The following CAPS2 variants were observed in gnomAD, a reference collection of about 807,000 sequenced individuals.
CAPS2 encodes calcyphosin-2.
In CAPS2, 98 loss-of-function variants were observed where a neutral mutation model predicts 86.5. That is an observed-to-expected ratio of 1.13 (90% CI 0.96 to 1.34). The LOEUF (loss-of-function observed/expected upper bound fraction) is 1.34, where lower values mean the gene tolerates loss of function less well. Ranked by LOEUF, CAPS2 falls within the 40% of genes most tolerant of loss-of-function variation. CAPS2 has a pLI of 0.00. For synonymous variants in CAPS2, 210 were observed against 225.1 expected (o/e 0.93, Z 0.60); for missense variants, 729 against 686.8 (o/e 1.06, Z -0.69).
chr12:75,339,107 G>A (rs1173412609), intron 1 of CAPS2, among the ~76,000 whole-genome samples: 2 of 152,006 alleles, frequency 1.3e-5, no homozygotes, highest in Non-Finnish European at 2.9e-5. Context: ...TATTCCTTTG[G>A]GTACATACCC....
In CAPS2 at chr12:75,323,237, C is replaced by G; in HGVS notation, c.132-15G>C. The G allele has an allele frequency of 6.5e-7, 1 of 1,537,002 alleles. No homozygotes were observed. Among genetic ancestry groups the G allele is most frequent in the South Asian group, 1.2e-5 (1 of 81,482 alleles). ...GTCGTGGGACCCTGAAAGACATAAT[C>G]TATGTATCCCGTAACTTTTTAACAT... On this transcript the variant is annotated splice_polypyrimidine_tract_variant and intron_variant, in intron 2 of 16. Coordinates refer to ENST00000393284, the Ensembl canonical transcript of CAPS2.
intron 14 of CAPS2, among the ~76,000 whole-genome samples, chr12:75,288,164 T>G (rs1261809534): frequency 6.6e-6 from 1 of 152,234 alleles, no homozygotes; most frequent in East Asian, 1.9e-4. Flanking sequence ...CCTATTGCTG[T>G]TTTGTTATTG....
At chr12:75,357,904 T>A (rs2043257351) in intron 1 of CAPS2, among the ~76,000 whole-genome samples, 1 of 146,260 alleles carries the variant, frequency 6.8e-6, no homozygotes, top group Non-Finnish European at 1.5e-5. Context: ...AAAAGAACAG[T>A]CTCCAGTCAA....
In CAPS2 at chr12:75,312,735, GA is replaced by G. The variant is rs2039360153; in HGVS notation, c.659+112del. 8 of 626,024 alleles carry G rather than the reference GA, an allele frequency of 1.3e-5. No homozygotes were observed. The South Asian group carries it at 1.7e-4, about 13-fold the overall frequency. 38.8% of individuals were successfully genotyped at this position (626,024 alleles called of 1,614,324 possible). Reference sequence around the variant, plus strand: ...GGTGCAGTAAACAGAGAAAGTTTGGGAACCTCTGAGTTAGCCACCCTTTAAT... The same window carrying G: ...GGTGCAGTAAACAGAGAAAGTTTGGGACCTCTGAGTTAGCCACCCTTTAAT... On this transcript the variant is annotated intron_variant, in intron 7 of 16. Transcript: ENST00000393284.
intron 1 of CAPS2, among the ~76,000 whole-genome samples, chr12:75,351,974 C>T (rs1218303169): frequency 6.6e-6 from 1 of 152,126 alleles, no homozygotes; most frequent in African/African-American, 2.4e-5. Flanking sequence ...TTCATCACCA[C>T]CAGGCCTGCC....
rs550610957 is a variant in CAPS2 at position 75,381,254 on chromosome 12, T to C, written c.-395+9584A>G. ...TCCTCATTCTCTCTTGTCGCCGCCA[T>C]GTAAGAAGTGGCTTTAGCCCTCTGC... is the stretch of plus-strand genomic sequence containing the variant. On this transcript the variant is annotated intron_variant, in intron 1 of 5. Transcript: ENST00000551829. Among the ~76,000 whole-genome samples, 39 of 152,356 alleles carry C rather than the reference T, an allele frequency of 2.6e-4. 1 individual carries two copies. In the South Asian group the frequency reaches 5.2e-3, roughly 20 times the overall value.
chr12:75,366,106 T>C (rs1479520130), intron 1 of CAPS2, among the ~76,000 whole-genome samples: 3 of 152,194 alleles, frequency 2.0e-5, no homozygotes, highest in Non-Finnish European at 4.4e-5. Flanking sequence ...ATTTAAGTCA[T>C]GTGAACTTGA....
At chr12:75,337,041 T>C (rs2041782816) in intron 1 of CAPS2, among the ~76,000 whole-genome samples, 1 of 151,812 alleles carries the variant, frequency 6.6e-6, no homozygotes, top group African/African-American at 2.4e-5. Flanking sequence ...TAGAGATTAC[T>C]ATAATTTAGA....
At chr12:75,363,505 T>C (rs1460646905) in intron 1 of CAPS2, among the ~76,000 whole-genome samples, 1 of 152,196 alleles carries the variant, frequency 6.6e-6, no homozygotes, top group Non-Finnish European at 1.5e-5. Flanking sequence ...GACCTCTTGT[T>C]ATTAGTTATT....
intron 1 of CAPS2, among the ~76,000 whole-genome samples, chr12:75,389,886 G>C (rs2045487577): frequency 6.6e-6 from 1 of 152,168 alleles, no homozygotes; most frequent in Admixed American, 6.5e-5. Flanking sequence ...CTTGTCTACT[G>C]ATCTTTCTCA....
chr12:75,277,938 ATTGT>A lies in CAPS2; in HGVS notation c.*948_*951del. On this transcript the variant is annotated 3_prime_UTR_variant, in exon 17 of 17. Transcript: ENST00000393284. ...CATATATTTAGAAGGAAATGTTTCA[ATTGT>A]TTGTTATACTAAAACAGATGTTTAG... 4.8e-6 allele frequency: 4 copies of A among 835,166 alleles called. No homozygotes were observed. In the South Asian group the frequency reaches 1.7e-4, roughly 35 times the overall value. The allele number at this position is 835,166 out of a possible 1,614,324, so 51.7% of individuals were successfully genotyped here. A position where few individuals can be genotyped will look rare whatever the true frequency, so the allele number is the denominator to read the frequency against.
At chr12:75,341,316 C>T (rs1383657299) in intron 1 of CAPS2, among the ~76,000 whole-genome samples, 1 of 152,192 alleles carries the variant, frequency 6.6e-6, no homozygotes, top group Non-Finnish European at 1.5e-5. Flanking sequence ...ATGACTTGGT[C>T]ACTAAATGGA....
intron 7 of CAPS2, among the ~76,000 whole-genome samples, chr12:75,309,618 AC>A (rs1294072030): frequency 1.3e-5 from 2 of 152,230 alleles, no homozygotes; most frequent in Non-Finnish European, 2.9e-5. Flanking sequence ...TGAAAATGAA[AC>A]AACAATTCAA....
At chr12:75,288,428 CA>C (rs1206744752) in intron 14 of CAPS2, among the ~76,000 whole-genome samples, 1 of 152,098 alleles carries the variant, frequency 6.6e-6, no homozygotes, top group Admixed American at 6.6e-5. Flanking sequence ...GCCCCCCAAT[CA>C]AAAAAGTTAA....
intron 15 of CAPS2, among the ~76,000 whole-genome samples, chr12:75,283,798 A>G (rs1234299100): frequency 6.6e-6 from 1 of 152,140 alleles, no homozygotes; most frequent in Non-Finnish European, 1.5e-5. Context: ...TGGGCAACAG[A>G]GCAAGACTCC....
intron 1 of CAPS2, among the ~76,000 whole-genome samples, chr12:75,367,704 T>A (rs898578707): frequency 2.0e-5 from 3 of 152,158 alleles, no homozygotes; most frequent in Non-Finnish European, 4.4e-5. Flanking sequence ...AGTTTATTGA[T>A]TTTCTTGGAT....
chr12:75,346,021 A>G (rs1024820824), intron 1 of CAPS2, among the ~76,000 whole-genome samples: 1 of 152,220 alleles, frequency 6.6e-6, no homozygotes, highest in African/African-American at 2.4e-5. Flanking sequence ...TCTTGCACTT[A>G]TCACCTACTG....
chr12:75,309,407 C>T (rs1211243534), intron 7 of CAPS2, among the ~76,000 whole-genome samples: 1 of 152,202 alleles, frequency 6.6e-6, no homozygotes, highest in Non-Finnish European at 1.5e-5. Flanking sequence ...CATCCAGTAA[C>T]ACTTACTTTC....
In CAPS2 at chr12:75,335,633, T is replaced by C. The variant is rs180882494; in HGVS notation, c.-394-12411A>G. ...TTTTCTATCCAGTGGAAAACAAAAG[T>C]AATTATAAAATCACAACTCAGGCAT... On this transcript the variant is annotated intron_variant, in intron 1 of 5. Coordinates refer to the CAPS2 transcript ENST00000551829. Among the ~76,000 whole-genome samples, 652 of 152,266 alleles carry C rather than the reference T, an allele frequency of 4.3e-3. 7 individuals carry two copies. Among genetic ancestry groups the C allele is most frequent in the African/African-American group, 0.015 (630 of 41,592 alleles).
Sources: allele counts gnomAD v4.1 joint callset (sites outside exome capture counted in the v4.1 genomes callset), GRCh38; gene constraint gnomAD v4.1.1; transcripts MANE v1.5; gene names NCBI Gene and HGNC (gene_info 2026-07-23, HGNC 2026-07-21).